The following FAAH2 variants were observed in gnomAD, a reference collection of about 807,000 sequenced individuals.
The protein encoded by FAAH2 is fatty-acid amide hydrolase 2.
In FAAH2, 60 loss-of-function variants were observed where a neutral mutation model predicts 36.9. That is an observed-to-expected ratio of 1.63 (90% CI 1.32 to 2.02). The LOEUF is 2.02. Ranked by LOEUF, FAAH2 falls within the 30% of genes most tolerant of loss-of-function variation. FAAH2 has a pLI of 0.00. For missense variants in FAAH2, 689 were observed against 397.5 expected, an observed-to-expected ratio of 1.73 and a Z score of -6.23; for synonymous variants, 214 against 143.8, an observed-to-expected ratio of 1.49 and a Z score of -3.49.
At chrX:57,417,950 C>T (rs896826700) in intron 7 of FAAH2, among the ~76,000 whole-genome samples, 11 of 111,615 alleles carry the variant, frequency 9.9e-5, no homozygotes, top group Admixed American at 1.9e-4. Context: ...AATCTAGAGA[C>T]GCAGTCTGGC....
chrX:57,158,400 C>T, the FAAH2 span, among the ~76,000 whole-genome samples: 117 of 111,957 alleles, frequency 1.0e-3, no homozygotes, highest in Middle Eastern at 9.3e-3. Flanking sequence ...ATTTCTAGTT[C>T]GAGATCCCTG....
rs1277854882 is a variant in FAAH2, at chrX:57,292,490, T to A, written c.193-8T>A. ...AATGGCTGCTGACTAAAGTATTGTA[T>A]TTTGCAGGTGAAATGTATAGATGTT... is the stretch of plus-strand genomic sequence containing the variant. On this transcript the variant is annotated splice_polypyrimidine_tract_variant and splice_region_variant and intron_variant, in intron 1 of 10. Transcript: ENST00000374900. 8.4e-7 allele frequency: 1 copy of A among 1,197,590 alleles called. No homozygotes were observed. Among genetic ancestry groups the A allele is most frequent in the Non-Finnish European group, 1.1e-6 (1 of 887,086 alleles).
intron 10 of FAAH2, among the ~76,000 whole-genome samples, chrX:57,471,510 A>C (rs2057165798): frequency 8.9e-6 from 1 of 111,852 alleles, no homozygotes; most frequent in Non-Finnish European, 1.9e-5. Context: ...AAAGAGAATA[A>C]AATACCTAGG....
chrX:57,156,729 T>C, the FAAH2 span, among the ~76,000 whole-genome samples: 12 of 111,804 alleles, frequency 1.1e-4, no homozygotes, highest in Non-Finnish European at 2.1e-4. Context: ...CTGTTACCTC[T>C]CTTTCTGCTA....
At chrX:57,385,062 T>C (rs2054978329) in intron 7 of FAAH2, among the ~76,000 whole-genome samples, 2 of 109,773 alleles carry the variant, frequency 1.8e-5, no homozygotes, top group Non-Finnish European at 3.8e-5. Flanking sequence ...TTTTCACTCA[T>C]AGGTGGGAAT....
chrX:57,471,875 G>A (rs1046646895), intron 10 of FAAH2, among the ~76,000 whole-genome samples: 1 of 111,692 alleles, frequency 9.0e-6, no homozygotes, highest in African/African-American at 3.3e-5. Context: ...AAACAGCATG[G>A]TGCTGGTACC....
At chrX:57,354,685 T>C (rs1193749642) in intron 5 of FAAH2, among the ~76,000 whole-genome samples, 1 of 110,869 alleles carries the variant, frequency 9.0e-6, no homozygotes, top group Non-Finnish European at 1.9e-5. Context: ...TCTTGTACTT[T>C]ATGAATTTAA....
intron 10 of FAAH2, among the ~76,000 whole-genome samples, chrX:57,458,501 C>CA (rs983283212): frequency 6.3e-5 from 7 of 110,284 alleles, no homozygotes; most frequent in African/African-American, 1.3e-4. Flanking sequence ...CAAAAAAAAA[C>CA]AAAAAAATCC....
chrX:57,403,198 AAAAC>A (rs1183494787), intron 7 of FAAH2, among the ~76,000 whole-genome samples: 5 of 112,184 alleles, frequency 4.5e-5, no homozygotes, highest in South Asian at 7.5e-4. Context: ...CCATCTGAAA[AAAAC>A]AAACAAACAA....
the FAAH2 span, among the ~76,000 whole-genome samples, chrX:57,214,372 C>T: frequency 8.9e-6 from 1 of 111,999 alleles, no homozygotes; most frequent in African/African-American, 3.2e-5. Context: ...TACTAGTTCT[C>T]TATTCTGCCT....
the FAAH2 span, among the ~76,000 whole-genome samples, chrX:57,140,275 G>A: frequency 9.1e-6 from 1 of 109,368 alleles, no homozygotes; most frequent in African/African-American, 3.3e-5. Flanking sequence ...CATATTATCT[G>A]CAAATAAAGA....
chrX:57,311,445 G>A (rs764366904), intron 3 of FAAH2, among the ~76,000 whole-genome samples: 9 of 111,962 alleles, frequency 8.0e-5, no homozygotes, highest in African/African-American at 2.6e-4. Context: ...AACCCTTGTC[G>A]CCCGTGGGTG....
intron 5 of FAAH2, among the ~76,000 whole-genome samples, chrX:57,351,238 G>A (rs1485085598): frequency 9.0e-6 from 1 of 111,442 alleles, no homozygotes; most frequent in African/African-American, 3.2e-5. Context: ...GTTTGTGAAT[G>A]ACCATTGGGT....
At chrX:57,251,759 C>T in the FAAH2 span, among the ~76,000 whole-genome samples, 1 of 111,423 alleles carries the variant, frequency 9.0e-6, no homozygotes, top group Non-Finnish European at 1.9e-5. Context: ...CAGCTCTGGT[C>T]TACAGTTCCC....
At position 57,413,174 on chromosome X, in the gene FAAH2, G is replaced by T. The variant is rs752786755; in HGVS notation, c.997-18744G>T. On this transcript the variant is annotated intron_variant, in intron 7 of 10. Coordinates refer to ENST00000374900, the MANE Select transcript of FAAH2 (RefSeq NM_174912.4). The stretch of plus-strand genomic sequence containing the variant: ...AAAATTTTCTCCTATTCTGTAGGTT[G>T]CCTGTTCTCTCTGATGATAGTTTCT... 2.1e-4 allele frequency among the ~76,000 whole-genome samples: 24 copies of T among 111,849 alleles called. No individual in the cohort carries two copies. In the Middle Eastern group the frequency reaches 0.019, roughly 86 times the overall value.
intron 3 of FAAH2, 96 bp downstream of exon 3, chrX:57,310,825 A>T: frequency 1.1e-6 from 1 of 906,461 alleles, no homozygotes; most frequent in Non-Finnish European, 1.5e-6. Context: ...AAAGTGAAGG[A>T]CAAACTCATG....
In FAAH2 at chrX:57,292,543, G is replaced by T; in HGVS notation, c.238G>T (p.Asp80Tyr). 8.3e-7 allele frequency: 1 copy of T among 1,210,017 alleles called. No individual in the cohort carries two copies. The highest frequency in any genetic ancestry group is 1.1e-6 in the Non-Finnish European group (1 of 894,443). Residue 80 changes from aspartate (D) to tyrosine (Y), a missense_variant, in exon 2 of 11, where the codon GAC (aspartate) becomes TAC (tyrosine). Transcript: ENST00000374900. ...VVQAYINRIK[D>Y]VNPMINGIVK... The stretch of plus-strand genomic sequence containing the variant: ...TCAGGCTTATATCAACAGAATCAAG[G>T]ACGTGAACCCAATGATCAATGGAAT...
At chrX:57,484,779 G>A (rs772532785) in intron 10 of FAAH2, among the ~76,000 whole-genome samples, 14 of 111,153 alleles carry the variant, frequency 1.3e-4, no homozygotes, top group Non-Finnish European at 2.6e-4. Flanking sequence ...GACTGGATAG[G>A]TACTAGCTGT....
the FAAH2 span, among the ~76,000 whole-genome samples, chrX:57,260,547 A>G: frequency 8.9e-6 from 1 of 111,888 alleles, no homozygotes; most frequent in African/African-American, 3.2e-5. Context: ...AAAACAAAAG[A>G]TCAATATATT....
Sources: gnomAD v4.1 joint callset for allele counts (sites outside exome capture counted in the v4.1 genomes callset) on GRCh38, gnomAD v4.1.1 for gene constraint, MANE v1.5 for transcripts, NCBI Gene and HGNC (gene_info 2026-07-23, HGNC 2026-07-21) for gene names.